STIM1: variants seen among roughly 807,000 people sequenced by gnomAD.
STIM1 encodes the protein stromal interaction molecule 1.
Under a neutral mutation model 74.7 loss-of-function variants are expected in STIM1, and 25 were observed. The observed-to-expected ratio is 0.33, with a 90% confidence interval of 0.24 to 0.47. STIM1 has a LOEUF of 0.47. Among genes scored for constraint, STIM1 ranks in the 20% least tolerant of loss-of-function variants. STIM1 has a pLI of 1.00. For missense variants in STIM1, 728 were observed against 920.8 expected (o/e 0.79, Z 2.71); for synonymous variants, 328 against 348.8 (o/e 0.94, Z 0.66).
chr11:3,975,369 C>T (rs1033566305), intron 2 of STIM1, among the ~76,000 whole-genome samples: 1 of 152,232 alleles, frequency 6.6e-6, no homozygotes, highest in Admixed American at 6.5e-5. Flanking sequence ...GTAATCCCAA[C>T]ACTTTGGGAG....
At chr11:3,919,104 A>G (rs905704636) in intron 1 of STIM1, among the ~76,000 whole-genome samples, 1 of 152,178 alleles carries the variant, frequency 6.6e-6, no homozygotes, top group Non-Finnish European at 1.5e-5. Flanking sequence ...ACATTTTATA[A>G]TAGAGATTGT....
intron 2 of STIM1, among the ~76,000 whole-genome samples, chr11:4,020,623 C>G (rs1429382340): frequency 6.6e-6 from 1 of 151,764 alleles, no homozygotes; most frequent in African/African-American, 2.4e-5. Flanking sequence ...AGGTCTCGCT[C>G]TGTCACCCAG....
At position 4,041,824 on chromosome 11, in the gene STIM1, T is replaced by C. The variant is rs2094150269; in HGVS notation, c.386-13702T>C. The stretch of plus-strand genomic sequence containing the variant: ...CTGGTCTTGAACTCCTGGCCTCAAG[T>C]GATCCTCCTGCCTTGGCATCCCAAA... On this transcript the variant is annotated intron_variant, in intron 3 of 12. Coordinates refer to ENST00000526596, the MANE Select transcript of STIM1 (RefSeq NM_001382567.1). Among the ~76,000 whole-genome samples the C allele has an allele frequency of 3.3e-5, 5 of 152,262 alleles. No homozygotes were observed. In the South Asian group the frequency reaches 1.0e-3, roughly 32 times the overall value.
intron 1 of STIM1, among the ~76,000 whole-genome samples, chr11:3,898,661 A>C (rs2092260536): frequency 6.6e-6 from 1 of 151,944 alleles, no homozygotes. Flanking sequence ...CTAACGTTTA[A>C]GTCTTTAATC....
intron 12 of STIM1, among the ~76,000 whole-genome samples, chr11:4,089,594 G>C (rs1299775820): frequency 6.6e-6 from 1 of 152,206 alleles, no homozygotes; most frequent in African/African-American, 2.4e-5. Context: ...AGTATTTGTA[G>C]AATGGAAGCT....
intron 1 of STIM1, among the ~76,000 whole-genome samples, chr11:3,861,455 T>G (rs756211531): frequency 6.6e-6 from 1 of 152,110 alleles, no homozygotes; most frequent in South Asian, 2.1e-4. Context: ...AGGATGGTCT[T>G]GATCTCCTGA....
intron 2 of STIM1, among the ~76,000 whole-genome samples, chr11:4,005,486 A>C (rs1231038251): frequency 6.6e-6 from 1 of 151,120 alleles, no homozygotes; most frequent in African/African-American, 2.4e-5. Flanking sequence ...AAGGACAAAA[A>C]ACCAAACACC....
intron 1 of STIM1, 105 bp from the exon 2 acceptor site, chr11:3,967,447 C>G (rs2093349837): frequency 1.9e-6 from 3 of 1,569,542 alleles, no homozygotes; most frequent in Admixed American, 1.7e-5. Context: ...AGTTAAGTGC[C>G]TACATGAGGA....
intron 2 of STIM1, among the ~76,000 whole-genome samples, chr11:3,991,196 G>T (rs1366453701): frequency 1.4e-5 from 2 of 145,672 alleles, no homozygotes; most frequent in Non-Finnish European, 1.5e-5. Flanking sequence ...TTTGAGTCAG[G>T]GTCTTTCTCT....
chr11:3,883,951 A>G (rs6578416), intron 1 of STIM1, among the ~76,000 whole-genome samples: 1 of 152,150 alleles, frequency 6.6e-6, no homozygotes, highest in Non-Finnish European at 1.5e-5. Flanking sequence ...AAAGAATAAT[A>G]GTCCCTATTG....
rs1565152736 is a variant in STIM1 at position 4,026,301 on chromosome 11, A to C, written c.385+2314A>C. On this transcript the variant is annotated intron_variant, in intron 3 of 12. Transcript: ENST00000526596. ...ATAGATCTTAGCAGAAAAGTTTTCT[A>C]ATCTCTATCTTAGCCAACTCTGGGC... is the stretch of plus-strand genomic sequence containing the variant. Among the ~76,000 whole-genome samples, 3 of 152,182 alleles carry C rather than the reference A, an allele frequency of 2.0e-5. 1 individual carries two copies. The highest frequency in any genetic ancestry group is 2.0e-4 in the Admixed American group (3 of 15,276).
At chr11:4,008,370 CAT>C (rs1287087205) in intron 2 of STIM1, among the ~76,000 whole-genome samples, 2 of 152,000 alleles carry the variant, frequency 1.3e-5, no homozygotes, top group Non-Finnish European at 2.9e-5. Flanking sequence ...AAGTGAATGA[CAT>C]ATAATGAAAC....
At chr11:3,866,045 T>C (rs755819655) in intron 1 of STIM1, among the ~76,000 whole-genome samples, 4 of 152,106 alleles carry the variant, frequency 2.6e-5, no homozygotes, top group Admixed American at 6.6e-5. Flanking sequence ...AAGGTGCAGG[T>C]TCTAAAATTT....
intron 12 of STIM1, among the ~76,000 whole-genome samples, chr11:4,090,431 C>T (rs1421885920): frequency 6.6e-6 from 1 of 152,224 alleles, no homozygotes; most frequent in Non-Finnish European, 1.5e-5. Context: ...ACCCTTCCTG[C>T]CGCACCACAG....
intron 2 of STIM1, among the ~76,000 whole-genome samples, chr11:3,994,448 T>C (rs2093643561): frequency 6.6e-6 from 1 of 150,752 alleles, no homozygotes; most frequent in Non-Finnish European, 1.5e-5. Context: ...ATATTTTTCC[T>C]TCTCCTTTTT....
At chr11:3,886,206 C>A (rs1022568499) in intron 1 of STIM1, among the ~76,000 whole-genome samples, 3 of 152,158 alleles carry the variant, frequency 2.0e-5, no homozygotes, top group African/African-American at 7.2e-5. Flanking sequence ...ATAGAAAATT[C>A]ACTGGGAACC....
rs569154731 is a variant in STIM1, at chr11:3,994,133, A to G, written c.270+26451A>G. On this transcript the variant is annotated intron_variant, in intron 2 of 12. Transcript: ENST00000526596. ...TCACAAGAGTTTTGCCGGATGTACA[A>G]TTCTTGGTTGACATCCTCTCACTTC... Among the ~76,000 whole-genome samples the G allele has an allele frequency of 2.0e-5, 3 of 152,242 alleles. No individual in the cohort carries two copies. The East Asian group carries it at 5.8e-4, about 29-fold the overall frequency.
intron 1 of STIM1, among the ~76,000 whole-genome samples, chr11:3,941,619 A>G (rs114287315): frequency 0.049 from 5,883 of 120,194 alleles, 382 homozygotes; most frequent in African/African-American, 0.16. Context: ...GTGTGTATAC[A>G]TATATATATA....
intron 10 of STIM1, among the ~76,000 whole-genome samples, chr11:4,084,318 G>T (rs1252627503): frequency 6.6e-6 from 1 of 152,224 alleles, no homozygotes; most frequent in Admixed American, 6.5e-5. Flanking sequence ...GCCGGGGCTG[G>T]GTTAGGGGCT....
Sources: gnomAD v4.1 joint callset for allele counts (sites outside exome capture counted in the v4.1 genomes callset) on GRCh38, gnomAD v4.1.1 for gene constraint, MANE v1.5 for transcripts, NCBI Gene and HGNC (gene_info 2026-07-23, HGNC 2026-07-21) for gene names.